Variants in MIS18A observed in about 807,000 individuals in gnomAD.
MIS18A encodes MIS18 kinetochore protein A, also known as protein Mis18-alpha.
In MIS18A, 14 loss-of-function variants were observed where a neutral mutation model predicts 25.0. That is an observed-to-expected ratio of 0.56 (90% CI 0.37 to 0.88). MIS18A has a LOEUF of 0.88. Among genes scored for constraint, MIS18A ranks in the 40% least tolerant of loss-of-function variants. The probability of loss-of-function intolerance (pLI) is 0.00; values close to 1 mark genes in which losing one functional copy is unlikely to be tolerated. For missense variants in MIS18A, 292 were observed against 290.8 expected, an observed-to-expected ratio of 1.00 and a Z score of -0.03; for synonymous variants, 134 against 118.6, an observed-to-expected ratio of 1.13 and a Z score of -0.84.
the MIS18A span, among the ~76,000 whole-genome samples, chr21:32,224,808 C>T: frequency 2.7e-5 from 4 of 148,524 alleles, no homozygotes; most frequent in Non-Finnish European, 4.5e-5. Context: ...CAAAAAAGAG[C>T]CTGCATCGCC....
At chr21:32,229,108 A>T in the MIS18A span, among the ~76,000 whole-genome samples, 577 of 152,326 alleles carry the variant, frequency 3.8e-3, 3 homozygotes, top group South Asian at 0.012. Context: ...CTAAATTCCC[A>T]AAGTATTTCT....
the MIS18A span, among the ~76,000 whole-genome samples, chr21:32,191,592 GAAAACAAAAACA>G: frequency 4.0e-5 from 6 of 151,858 alleles, no homozygotes; most frequent in Non-Finnish European, 5.9e-5. Flanking sequence ...CCTTAAAAAA[GAAAACAAAAACA>G]AAAACAAAAA....
chr21:32,263,067 A>C, the MIS18A span, among the ~76,000 whole-genome samples: 3 of 152,214 alleles, frequency 2.0e-5, no homozygotes, highest in Non-Finnish European at 4.4e-5. Context: ...ATCAATACCC[A>C]AAATATGTCA....
the MIS18A span, among the ~76,000 whole-genome samples, chr21:32,226,422 T>C: frequency 2.6e-5 from 4 of 152,060 alleles, no homozygotes; most frequent in African/African-American, 9.7e-5. Context: ...ATACCATTCA[T>C]ACAAAAGAGA....
chr21:32,252,271 GGAGGAGGAGGAA>G, the MIS18A span, among the ~76,000 whole-genome samples: 6 of 144,922 alleles, frequency 4.1e-5, no homozygotes, highest in African/African-American at 1.5e-4. Flanking sequence ...AGGAGGAGGA[GGAGGAGGAGGAA>G]GAGAGAAGAG....
At chr21:32,248,490 A>C in the MIS18A span, among the ~76,000 whole-genome samples, 3 of 152,238 alleles carry the variant, frequency 2.0e-5, no homozygotes, top group Non-Finnish European at 4.4e-5. Flanking sequence ...GTTAAATGGA[A>C]TAGAGCCCAC....
chr21:32,246,090 C>A, the MIS18A span, among the ~76,000 whole-genome samples: 1 of 152,144 alleles, frequency 6.6e-6, no homozygotes, highest in Admixed American at 6.5e-5. Flanking sequence ...GCAGATCTCA[C>A]AAACGGACTC....
At chr21:32,161,894 G>A in the MIS18A span, among the ~76,000 whole-genome samples, 1 of 151,788 alleles carries the variant, frequency 6.6e-6, no homozygotes, top group Middle Eastern at 3.2e-3. Context: ...TTGCTCATCA[G>A]AGGCAAAACT....
At chr21:32,257,070 G>A in the MIS18A span, among the ~76,000 whole-genome samples, 8 of 152,168 alleles carry the variant, frequency 5.3e-5, no homozygotes, top group African/African-American at 1.9e-4. Context: ...TCCAGGGGCT[G>A]GCATCACGGG....
chr21:32,218,020 C>T, the MIS18A span, among the ~76,000 whole-genome samples: 4 of 151,352 alleles, frequency 2.6e-5, no homozygotes, highest in Non-Finnish European at 5.9e-5. Flanking sequence ...GGTGAAATCC[C>T]GTCTCTACTA....
chr21:32,275,015 A>T, intron 1 of MIS18A, 119 bp from the exon 2 acceptor site: 1 of 765,108 alleles, frequency 1.3e-6, no homozygotes, highest in Non-Finnish European at 2.1e-6. Flanking sequence ...GCCCAAAGTC[A>T]AACACACAAA....
the MIS18A span, among the ~76,000 whole-genome samples, chr21:32,214,212 T>C: frequency 6.6e-6 from 1 of 152,154 alleles, no homozygotes; most frequent in Non-Finnish European, 1.5e-5. Context: ...CAGGTCCACC[T>C]TGGAGGCCAG....
chr21:32,187,650 G>A, the MIS18A span, among the ~76,000 whole-genome samples: 2 of 152,152 alleles, frequency 1.3e-5, no homozygotes, highest in Middle Eastern at 3.2e-3. Flanking sequence ...ACAAGAAGGT[G>A]AGCCCTCGCA....
chr21:32,221,803 A>G, the MIS18A span, among the ~76,000 whole-genome samples: 8 of 152,060 alleles, frequency 5.3e-5, no homozygotes, highest in African/African-American at 1.7e-4. Context: ...TGAGGCAGAG[A>G]ACTGCTTGAA....
At chr21:32,274,477 A>G (rs2031773624) in intron 2 of MIS18A, among the ~76,000 whole-genome samples, 2 of 151,934 alleles carry the variant, frequency 1.3e-5, no homozygotes, top group Admixed American at 1.3e-4. Flanking sequence ...AAGTGCTGGG[A>G]TTACAGGCGT....
At chr21:32,242,669 C>G in the MIS18A span, among the ~76,000 whole-genome samples, 1 of 151,894 alleles carries the variant, frequency 6.6e-6, no homozygotes, top group African/African-American at 2.4e-5. Context: ...TTTTTTTCCC[C>G]ACAAATATGA....
At chr21:32,241,560 A>G in the MIS18A span, among the ~76,000 whole-genome samples, 3,548 of 152,192 alleles carry the variant, frequency 0.023, 141 homozygotes, top group African/African-American at 0.079. Flanking sequence ...GAAGACTTGG[A>G]GCCAGCTACC....
chr21:32,232,444 A>G, the MIS18A span, among the ~76,000 whole-genome samples: 1 of 151,120 alleles, frequency 6.6e-6, no homozygotes, highest in African/African-American at 2.4e-5. Context: ...AAAGATATAT[A>G]TATCTTTAGA....
the MIS18A span, among the ~76,000 whole-genome samples, chr21:32,253,427 C>A: frequency 7.0e-6 from 1 of 142,444 alleles, no homozygotes; most frequent in African/African-American, 2.5e-5. Flanking sequence ...CCAAGGGTGG[C>A]TGAAATTCCC....
Sources: allele counts gnomAD v4.1 joint callset (sites outside exome capture counted in the v4.1 genomes callset), GRCh38; gene constraint gnomAD v4.1.1; transcripts MANE v1.5; gene names NCBI Gene and HGNC (gene_info 2026-07-23, HGNC 2026-07-21).